Variants in LY75 observed in about 807,000 individuals in gnomAD.
The protein encoded by LY75 is C-type lectin domain family 13 member B.
In LY75, 185 loss-of-function variants were observed where a neutral mutation model predicts 231.7. The ratio of observed to expected loss-of-function variants is 0.80; its 90% confidence interval spans 0.71 to 0.90. The LOEUF (loss-of-function observed/expected upper bound fraction) is 0.90, where lower values mean the gene tolerates loss of function less well. Ranked by LOEUF, LY75 falls within the 40% of genes least tolerant of loss-of-function variation. LY75 has a pLI of 0.00. For missense variants in LY75, 1,947 were observed against 2,050.2 expected (o/e 0.95, Z 0.97); for synonymous variants, 668 against 689.0 (o/e 0.97, Z 0.48).
chr2:159,854,505 A>G lies in LY75; in HGVS notation c.2450T>C (p.Ile817Thr), dbSNP rs752614379. The change falls in exon 18 of 35, where the codon ATA becomes ACA. Residue 817 changes from isoleucine (I) to threonine (T), a missense_variant. Ile to Thr is a moderately conservative substitution (Grantham distance 89). Transcript: ENST00000263636. ...AAACCAATATTCACTTCCTTCAATT[A>G]TAAGTGGAGGTCCATGAATTCCAGC... The part of the protein sequence containing the change: ...DRAGIHGPPL[I>T]IEGSEYWFVA... 5.6e-6 allele frequency: 9 copies of G among 1,613,306 alleles called. No homozygotes were observed. The Middle Eastern group carries it at 6.6e-4, about 118-fold the overall frequency.
At chr2:159,833,942 C>T in intron 27 of LY75, 102 bp downstream of exon 27, 6 of 1,328,540 alleles carry the variant, frequency 4.5e-6, no homozygotes, top group Non-Finnish European at 6.0e-6. Flanking sequence ...CCTCCCCAGC[C>T]ATGTGGAACT....
Position 159,842,179 on chromosome 2 carries a change from C to A in LY75, c.3280+66G>T, listed in dbSNP as rs535200202. ...CTCCCTCCCTATAGAAAGTGACTCT[C>A]TCTCTCTCTATATATATATATGTAA... On this transcript the variant is annotated intron_variant, in intron 24 of 34. Coordinates refer to ENST00000263636, the MANE Select transcript of LY75 (RefSeq NM_002349.4). 7,224 of 1,518,332 alleles carry A rather than the reference C, an allele frequency of 4.8e-3. 468 individuals are homozygous for A. The African/African-American group carries it at 0.095, about 20-fold the overall frequency. The allele number at this position is 1,518,332 out of a possible 1,614,324, so 94.1% of individuals were successfully genotyped here. A position where few individuals can be genotyped will look rare whatever the true frequency, so the allele number is the denominator to read the frequency against.
At chr2:159,816,777 A>G in intron 30 of LY75, 29 bp downstream of exon 30, 6 of 1,607,452 alleles carry the variant, frequency 3.7e-6, no homozygotes, top group African/African-American at 1.3e-5. Context: ...CACATTTGAA[A>G]AGTTTCTGGA....
chr2:159,848,020 C>T (rs867864685), intron 23 of LY75, among the ~76,000 whole-genome samples: 17 of 149,278 alleles, frequency 1.1e-4, no homozygotes, highest in African/African-American at 4.2e-4. Context: ...AATGTGGAAC[C>T]AACCCAAATG....
At chr2:159,814,641 C>A (rs1683059895) in intron 31 of LY75, among the ~76,000 whole-genome samples, 1 of 132,456 alleles carries the variant, frequency 7.5e-6, no homozygotes, top group Non-Finnish European at 1.6e-5. Context: ...GGCAACAGAG[C>A]TGAAACCCTG....
chr2:159,821,031 G>T (rs1439322738), intron 28 of LY75, among the ~76,000 whole-genome samples: 3 of 152,000 alleles, frequency 2.0e-5, no homozygotes, highest in Non-Finnish European at 4.4e-5. Flanking sequence ...GTAGAGATGG[G>T]GTTTCACCCT....
At position 159,854,402 on chromosome 2, in the gene LY75, T is replaced by C. The variant is rs907635125; in HGVS notation, c.2553A>G (p.Thr851=). The C allele has an allele frequency of 3.9e-6, 6 of 1,545,508 alleles. No individual in the cohort carries two copies. The African/African-American group carries it at 5.4e-5, about 14-fold the overall frequency. Reference sequence around the variant, plus strand: ...TGATGGCTTTTAGTCCCACAAAAGATGTTATAGTTGCAAGAAAGCTGTGAT... The same window carrying C: ...TGATGGCTTTTAGTCCCACAAAAGACGTTATAGTTGCAAGAAAGCTGTGAT... ...ASNHSFLATI[T]SFVGLKAIKN... is the part of the protein sequence containing the mutation. Residue 851 remains threonine (T), a synonymous_variant, in exon 18 of 35, where the codon ACA becomes ACG. Coordinates refer to ENST00000263636, the MANE Select transcript of LY75 (RefSeq NM_002349.4).
chr2:159,866,867 C>T (rs1406730589), intron 13 of LY75, among the ~76,000 whole-genome samples: 1 of 152,108 alleles, frequency 6.6e-6, no homozygotes, highest in East Asian at 1.9e-4. Context: ...ACCAGGAAGA[C>T]GATCAAAGAT....
Position 159,834,184 on chromosome 2 carries a change from A to G in LY75, c.3701T>C (p.Val1234Ala), listed in dbSNP as rs757664931. 16 of 1,613,828 alleles carry G rather than the reference A, an allele frequency of 9.9e-6. No individual in the cohort carries two copies. The highest frequency in any genetic ancestry group is 1.3e-5 in the Non-Finnish European group (15 of 1,179,910). ...GNETEKEVKPVDSVKCPSPVL... is the reference protein window; with the variant it reads ...GNETEKEVKPADSVKCPSPVL... ...AGGAGATGGACATTTAACACTGTCA[A>G]CTGGTTTGACCTCTTTTTCAGTCTC... The change falls in exon 27 of 35, where the codon GTT becomes GCT. Residue 1234 changes from valine (V) to alanine (A), a missense_variant. Physicochemically the swap from Val to Ala is moderately conservative, Grantham distance 64 (BLOSUM62 0). Transcript: ENST00000263636.
In LY75 at chr2:159,838,516, C is replaced by T. The variant is rs527773230; in HGVS notation, c.3507+2213G>A. 4.6e-5 allele frequency among the ~76,000 whole-genome samples: 7 copies of T among 152,230 alleles called. No individual in the cohort carries two copies. The South Asian group carries it at 1.2e-3, about 27-fold the overall frequency. On this transcript the variant is annotated intron_variant, in intron 25 of 34. Transcript: ENST00000263636. ...ATTGAATCATGTTTATTTTTAGGTA[C>T]TGGCATTACAGGTGACTTTAATTTT...
In LY75 at chr2:159,879,347, G is replaced by C. The variant is rs147134990; in HGVS notation, c.1427C>G (p.Ser476Ter). The C allele has an allele frequency of 6.2e-7, 1 of 1,613,288 alleles. No individual in the cohort carries two copies. The highest frequency in any genetic ancestry group is 1.1e-5 in the South Asian group (1 of 90,936). Residue 476 changes from serine to a stop codon, truncating the protein, a stop_gained, in exon 9 of 35, where the codon TCA becomes TGA. Transcript: ENST00000263636. LOFTEE classifies it high-confidence loss of function. ...LGELGQWKVQ[S>*]CEEKLKYVCK... ...TACATATTTTAGTTTCTCCTCACAT[G>C]ATTGGACTTTCCACTGACCTAGCTT...
At chr2:159,872,427 A>T (rs777978716) in intron 13 of LY75, 24 bp downstream of exon 13, 1 of 1,609,442 alleles carries the variant, frequency 6.2e-7, no homozygotes, top group South Asian at 1.1e-5. Context: ...TTCAGCATAG[A>T]AATTCTCATT....
intron 23 of LY75, among the ~76,000 whole-genome samples, chr2:159,843,887 A>G (rs1574550399): frequency 1.3e-5 from 2 of 152,216 alleles, no homozygotes; most frequent in East Asian, 1.9e-4. Context: ...CAACACATGC[A>G]TGCATTGAAA....
At chr2:159,840,672 CA>C in intron 25 of LY75, 56 bp downstream of exon 25, 1 of 1,609,958 alleles carries the variant, frequency 6.2e-7, no homozygotes, top group Non-Finnish European at 8.5e-7. Context: ...AAGCTATGCA[CA>C]ATAAAAAATG....
rs1560057649 is a variant in LY75 at position 159,805,157 on chromosome 2, G to A, written c.5056C>T (p.Leu1686=). The A allele has an allele frequency of 6.2e-7, 1 of 1,614,140 alleles. No individual in the cohort carries two copies. Among genetic ancestry groups the A allele is most frequent in the Non-Finnish European group, 8.5e-7 (1 of 1,180,008 alleles). The stretch of plus-strand genomic sequence containing the variant: ...TGCCTTTGGAAGAGGAACCAAATCA[G>A]TCCGCCCATGAGAACTAAGATACTT... The part of the protein sequence containing the change: ...TLSILVLMGG[L]IWFLFQRHRL... The change falls in exon 35 of 35, where the codon CTG becomes TTG. Residue 1686 remains leucine (L), a synonymous_variant. Transcript: ENST00000263636.
At chr2:159,840,692 C>T (rs1683996279) in intron 25 of LY75, 37 bp downstream of exon 25, 1 of 1,613,026 alleles carries the variant, frequency 6.2e-7, no homozygotes, top group African/African-American at 1.3e-5. Context: ...TGTCGCTTTC[C>T]ATCACCCAGT....
At position 159,878,729 on chromosome 2, in the gene LY75, A is replaced by G. The variant is rs749296259; in HGVS notation, c.1516-8T>C. ...TCCATGTCTCTTCCAGCCCTAAGTC[A>G]GAGGAAAAATATTGTCAAACTCTTT... On this transcript the variant is annotated splice_polypyrimidine_tract_variant and splice_region_variant and intron_variant, in intron 9 of 34. Coordinates refer to ENST00000263636, the MANE Select transcript of LY75 (RefSeq NM_002349.4). The G allele has an allele frequency of 1.3e-5, 21 of 1,613,666 alleles. No homozygotes were observed. In the South Asian group the frequency reaches 2.2e-4, roughly 17 times the overall value.
intron 28 of LY75, among the ~76,000 whole-genome samples, chr2:159,825,715 TA>T (rs1471084337): frequency 6.6e-6 from 1 of 151,896 alleles, no homozygotes; most frequent in East Asian, 1.9e-4. Context: ...CTCAAGAAAA[TA>T]CTGGCAAACC....
chr2:159,854,619 A>G, intron 17 of LY75, 84 bp from the exon 18 acceptor site: 1 of 1,461,736 alleles, frequency 6.8e-7, no homozygotes. Context: ...GTTCAAAACT[A>G]TAAATAGTAA....
Sources: allele counts gnomAD v4.1 joint callset (sites outside exome capture counted in the v4.1 genomes callset), GRCh38; gene constraint gnomAD v4.1.1; transcripts MANE v1.5; gene names NCBI Gene and HGNC (gene_info 2026-07-23, HGNC 2026-07-21).